The following GNAI3 variants were observed in gnomAD, a reference collection of about 807,000 sequenced individuals.
GNAI3 encodes the protein G protein subunit alpha i3, also known as guanine nucleotide-binding protein G(i) subunit alpha-3.
Under a neutral mutation model 41.8 loss-of-function variants are expected in GNAI3, and 12 were observed. The observed-to-expected ratio is 0.29, with a 90% CI of 0.18 to 0.47. GNAI3 has a LOEUF of 0.47. GNAI3 is among the 20% of genes least tolerant of loss of function. GNAI3 has a pLI of 1.00. For missense variants in GNAI3, 360 were observed against 429.6 expected, an observed-to-expected ratio of 0.84 and a Z score of 1.43; for synonymous variants, 132 against 146.5, an observed-to-expected ratio of 0.90 and a Z score of 0.71.
chr1:109,568,823 A>G (rs1648521822), intron 1 of GNAI3, among the ~76,000 whole-genome samples: 3 of 151,858 alleles, frequency 2.0e-5, no homozygotes, highest in Non-Finnish European at 1.5e-5. Context: ...GGTGTGTGCT[A>G]CCAGGCCCAG....
At chr1:109,549,371 G>A (rs181664808) in intron 1 of GNAI3, among the ~76,000 whole-genome samples, 2 of 152,262 alleles carry the variant, frequency 1.3e-5, no homozygotes. Flanking sequence ...TTGAACTGTT[G>A]GAAGAACCCT....
intron 1 of GNAI3, among the ~76,000 whole-genome samples, chr1:109,562,090 G>A (rs976853490): frequency 1.3e-5 from 2 of 152,084 alleles, no homozygotes; most frequent in Admixed American, 6.5e-5. Context: ...TATTATGTAT[G>A]TATGTGTATA....
intron 3 of GNAI3, among the ~76,000 whole-genome samples, chr1:109,575,866 C>A (rs1648727984): frequency 6.6e-6 from 1 of 152,070 alleles, no homozygotes; most frequent in Admixed American, 6.5e-5. Context: ...TGTCATTAAT[C>A]TTTGTATCCT....
rs765078758 is a variant in GNAI3 at position 109,586,776 on chromosome 1, C to T, written c.768C>T (p.Asn256=). The T allele has an allele frequency of 6.2e-7, 1 of 1,603,638 alleles. No homozygotes were observed. ...SMKLFDSICN[N]KWFTETSIIL... ...AACTGTTTGACAGCATTTGTAATAA[C>T]AAATGGTTTACAGAAACTTCAATCA... Residue 256 remains asparagine (N), a synonymous_variant, in exon 7 of 9, where the codon AAC becomes AAT. Transcript: ENST00000369851.
intron 3 of GNAI3, among the ~76,000 whole-genome samples, chr1:109,578,411 A>G (rs910140920): frequency 6.6e-6 from 1 of 151,010 alleles, no homozygotes; most frequent in African/African-American, 2.4e-5. Context: ...CGGAGGTTAC[A>G]AGGAGCCGAG....
At chr1:109,573,044 G>A (rs749062198) in intron 1 of GNAI3, among the ~76,000 whole-genome samples, 1 of 152,124 alleles carries the variant, frequency 6.6e-6, no homozygotes, top group East Asian at 1.9e-4. Context: ...AGAATTGGGA[G>A]GGGGTTTATA....
chr1:109,559,519 A>C (rs1381546290), intron 1 of GNAI3, among the ~76,000 whole-genome samples: 3 of 152,230 alleles, frequency 2.0e-5, no homozygotes, highest in African/African-American at 7.2e-5. Flanking sequence ...TATTTTAGCA[A>C]GTTATAAAGG....
intron 1 of GNAI3, among the ~76,000 whole-genome samples, chr1:109,564,749 C>G (rs1648406654): frequency 6.6e-6 from 1 of 152,120 alleles, no homozygotes; most frequent in African/African-American, 2.4e-5. Flanking sequence ...TGGGCCATTT[C>G]CCACTGAGGT....
chr1:109,566,956 A>C (rs887929020), intron 1 of GNAI3, among the ~76,000 whole-genome samples: 1 of 152,220 alleles, frequency 6.6e-6, no homozygotes, highest in Non-Finnish European at 1.5e-5. Context: ...AGGTACTCCT[A>C]TTGGAAATAG....
chr1:109,570,808 C>G (rs994994441), intron 1 of GNAI3, among the ~76,000 whole-genome samples: 1 of 151,982 alleles, frequency 6.6e-6, no homozygotes. Context: ...ACCATAATGC[C>G]CATGGATTTT....
At chr1:109,554,100 G>C (rs374100292) in intron 1 of GNAI3, among the ~76,000 whole-genome samples, 1 of 133,540 alleles carries the variant, frequency 7.5e-6, no homozygotes, top group Non-Finnish European at 1.6e-5. Flanking sequence ...GTGTGTGTGT[G>C]TATATCACAT....
intron 1 of GNAI3, among the ~76,000 whole-genome samples, chr1:109,555,959 C>CGTGTGT (rs1290978144): frequency 1.0e-5 from 1 of 96,786 alleles, no homozygotes; most frequent in African/African-American, 4.8e-5. Flanking sequence ...GGAGTGCGTG[C>CGTGTGT]GTGCGTGTGT....
intron 1 of GNAI3, among the ~76,000 whole-genome samples, chr1:109,570,370 T>C (rs1273580170): frequency 6.6e-6 from 1 of 152,238 alleles, no homozygotes; most frequent in Non-Finnish European, 1.5e-5. Context: ...TAGTAATATT[T>C]ATTTGAGTAG....
At chr1:109,591,058 A>C (rs1649159900) in intron 7 of GNAI3, among the ~76,000 whole-genome samples, 1 of 152,194 alleles carries the variant, frequency 6.6e-6, no homozygotes, top group African/African-American at 2.4e-5. Context: ...AAGATGGTGT[A>C]AAAAGCAGGT....
rs1169489940 is a variant in GNAI3 at position 109,594,740 on chromosome 1, C to G, written c.*2418C>G. On this transcript the variant is annotated 3_prime_UTR_variant, in exon 9 of 9. Coordinates refer to ENST00000369851, the MANE Select transcript of GNAI3 (RefSeq NM_006496.4). ...CGATCTCGGCTTATTGCAAGCTCTG[C>G]CTCCCGGGTTCATGCTATTCTCCTG... is the stretch of plus-strand genomic sequence containing the variant. The G allele has an allele frequency of 6.6e-6, 1 of 150,736 alleles. No individual in the cohort carries two copies. Among genetic ancestry groups the G allele is most frequent in the Non-Finnish European group, 1.5e-5 (1 of 67,936 alleles). The allele number at this position is 150,736 out of a possible 1,614,324, so 9.3% of individuals were successfully genotyped here.
intron 1 of GNAI3, among the ~76,000 whole-genome samples, chr1:109,565,960 G>C (rs987566909): frequency 6.6e-6 from 1 of 152,212 alleles, no homozygotes; most frequent in South Asian, 2.1e-4. Flanking sequence ...AGCAGCTTAT[G>C]AGAAGCAAGG....
chr1:109,548,719 C>A lies in GNAI3; in HGVS notation c.-2C>A. ...GCCCGTGTCCCCTCTCCCGCCGCCGCCATGGGCTGCACGTTGAGCGCCGAA... is the reference window on the plus strand; with the variant it reads ...GCCCGTGTCCCCTCTCCCGCCGCCGACATGGGCTGCACGTTGAGCGCCGAA... On this transcript the variant is annotated 5_prime_UTR_variant, in exon 1 of 9. Coordinates refer to ENST00000369851, the MANE Select transcript of GNAI3 (RefSeq NM_006496.4). 6.2e-7 allele frequency: 1 copy of A among 1,609,256 alleles called. No individual in the cohort carries two copies. Among genetic ancestry groups the A allele is most frequent in the Non-Finnish European group, 8.5e-7 (1 of 1,176,118 alleles).
At chr1:109,578,470 CAAAAAAA>C (rs35519193) in intron 3 of GNAI3, among the ~76,000 whole-genome samples, 2 of 84,308 alleles carry the variant, frequency 2.4e-5, no homozygotes, top group South Asian at 4.0e-4. Context: ...AACTCCGTCT[CAAAAAAA>C]AAAAAAAAAA....
chr1:109,551,434 C>CT (rs930846019), intron 1 of GNAI3, among the ~76,000 whole-genome samples: 1 of 152,166 alleles, frequency 6.6e-6, no homozygotes, highest in Non-Finnish European at 1.5e-5. Context: ...TGAGATCTAT[C>CT]TACTTACCCT....
Sources: allele counts gnomAD v4.1 joint callset (sites outside exome capture counted in the v4.1 genomes callset), GRCh38; gene constraint gnomAD v4.1.1; transcripts MANE v1.5; gene names NCBI Gene and HGNC (gene_info 2026-07-23, HGNC 2026-07-21).